The following HTR1F variants were observed in gnomAD, a reference collection of about 807,000 sequenced individuals.
The protein encoded by HTR1F is 5-hydroxytryptamine (serotonin) receptor 1F, G protein-coupled.
A neutral mutation model predicts 24.0 loss-of-function variants in HTR1F; 17 were observed. The observed-to-expected ratio is 0.71, with a 90% confidence interval of 0.48 to 1.06. The LOEUF (loss-of-function observed/expected upper bound fraction) is 1.06, where lower values mean the gene tolerates loss of function less well. HTR1F is among the 50% of genes least tolerant of loss of function. The pLI, the probability that HTR1F is intolerant of heterozygous loss-of-function variation, is 0.00. For missense variants in HTR1F, 391 were observed against 427.8 expected, an observed-to-expected ratio of 0.91 and a Z score of 0.76; for synonymous variants, 186 against 156.8, an observed-to-expected ratio of 1.19 and a Z score of -1.39.
chr3:87,806,904 G>C (rs920223184), intron 1 of HTR1F, among the ~76,000 whole-genome samples: 6 of 151,858 alleles, frequency 4.0e-5, no homozygotes, highest in African/African-American at 1.4e-4. Context: ...CCCAATGTAT[G>C]TTCTTGGAAC....
intron 2 of HTR1F, among the ~76,000 whole-genome samples, chr3:87,935,049 G>A (rs555375544): frequency 1.3e-5 from 2 of 152,078 alleles, no homozygotes; most frequent in Non-Finnish European, 2.9e-5. Flanking sequence ...TCATTTGTTT[G>A]TAGAAACAAG....
intron 1 of HTR1F, among the ~76,000 whole-genome samples, chr3:87,809,770 ATGATTG>A (rs1704130751): frequency 6.6e-6 from 1 of 152,060 alleles, no homozygotes; most frequent in Non-Finnish European, 1.5e-5. Flanking sequence ...TTAAAAACAC[ATGATTG>A]TCCGATCTTT....
intron 2 of HTR1F, among the ~76,000 whole-genome samples, chr3:87,945,435 T>C (rs543220671): frequency 3.6e-4 from 55 of 152,280 alleles, no homozygotes; most frequent in African/African-American, 1.2e-3. Context: ...GGCTACACTT[T>C]CAAGAAAGTC....
intron 2 of HTR1F, among the ~76,000 whole-genome samples, chr3:87,917,501 A>T (rs1425324375): frequency 1.3e-5 from 2 of 152,024 alleles, no homozygotes; most frequent in Admixed American, 1.3e-4. Flanking sequence ...GAAAATCTAA[A>T]TAAGGTCAAT....
chr3:87,939,936 G>A (rs549028044), intron 2 of HTR1F, among the ~76,000 whole-genome samples: 1 of 152,152 alleles, frequency 6.6e-6, no homozygotes, highest in Admixed American at 6.5e-5. Context: ...TGCTTCTCTA[G>A]TTCTTTTAAT....
Position 87,833,182 on chromosome 3 carries a change from ACT to A in HTR1F, c.-43+11061_-43+11062del, listed in dbSNP as rs567869284. On this transcript the variant is annotated intron_variant, in intron 2 of 2. Coordinates refer to ENST00000319595, the MANE Select transcript of HTR1F (RefSeq NM_001322209.2). Reference sequence around the variant, plus strand: ...ATATTGTCATTGTTTCCACTGGCAGACTCTGCTTCCTTTGGGAGGTGTTTCTA... The same window carrying A: ...ATATTGTCATTGTTTCCACTGGCAGACTGCTTCCTTTGGGAGGTGTTTCTA... 5.6e-3 allele frequency among the ~76,000 whole-genome samples: 830 copies of A among 147,232 alleles called. 5 individuals are homozygous for A. The highest frequency in any genetic ancestry group is 9.4e-3 in the Non-Finnish European group (631 of 67,368).
intron 2 of HTR1F, among the ~76,000 whole-genome samples, chr3:87,898,118 G>C (rs1706242700): frequency 6.6e-6 from 1 of 152,110 alleles, no homozygotes; most frequent in Non-Finnish European, 1.5e-5. Flanking sequence ...GTGTAGGTAA[G>C]ACAGAGTGGA....
intron 2 of HTR1F, among the ~76,000 whole-genome samples, chr3:87,929,990 T>C (rs1274101149): frequency 6.6e-6 from 1 of 152,182 alleles, no homozygotes; most frequent in African/African-American, 2.4e-5. Flanking sequence ...CAGTGTTTTG[T>C]AGTTCTACTT....
At chr3:87,931,451 T>C (rs1348660939) in intron 2 of HTR1F, among the ~76,000 whole-genome samples, 3 of 152,184 alleles carry the variant, frequency 2.0e-5, no homozygotes, top group African/African-American at 7.2e-5. Flanking sequence ...TCTATCATTG[T>C]TGGACATTTG....
At position 87,927,077 on chromosome 3, in the gene HTR1F, A is replaced by G. The variant is rs9814842; in HGVS notation, c.-42-63631A>G. On this transcript the variant is annotated intron_variant, in intron 2 of 2. Transcript: ENST00000319595. Reference sequence around the variant, plus strand: ...TGGAAAGCCACAGTCGAGGCTTTGTAGAGGACTCTCAGAAGACTTGCCCAC... The same window carrying G: ...TGGAAAGCCACAGTCGAGGCTTTGTGGAGGACTCTCAGAAGACTTGCCCAC... 9.5e-3 allele frequency among the ~76,000 whole-genome samples: 1,452 copies of G among 152,270 alleles called. 29 individuals carry two copies. Among genetic ancestry groups the G allele is most frequent in the African/African-American group, 0.033 (1,388 of 41,542 alleles).
At chr3:87,931,946 C>T (rs1472144059) in intron 2 of HTR1F, among the ~76,000 whole-genome samples, 1 of 151,718 alleles carries the variant, frequency 6.6e-6, no homozygotes, top group Non-Finnish European at 1.5e-5. Context: ...GGATATTAGC[C>T]CTTTGTCAGA....
intron 2 of HTR1F, among the ~76,000 whole-genome samples, chr3:87,908,142 C>T (rs1703704804): frequency 6.6e-6 from 1 of 151,882 alleles, no homozygotes; most frequent in Non-Finnish European, 1.5e-5. Flanking sequence ...AGAAGTTTCC[C>T]ATCAGAGATT....
intron 2 of HTR1F, among the ~76,000 whole-genome samples, chr3:87,929,848 T>A (rs1476739807): frequency 2.0e-5 from 3 of 152,224 alleles, no homozygotes; most frequent in Middle Eastern, 3.2e-3. Context: ...ATGTCCTTGC[T>A]AGATTGATAG....
chr3:87,918,521 C>T (rs1181384879), intron 2 of HTR1F, among the ~76,000 whole-genome samples: 1 of 152,114 alleles, frequency 6.6e-6, no homozygotes, highest in East Asian at 1.9e-4. Flanking sequence ...AAGAATTTAG[C>T]AAAGTTTCCA....
At chr3:87,876,518 C>T (rs1705675966) in intron 2 of HTR1F, among the ~76,000 whole-genome samples, 1 of 152,018 alleles carries the variant, frequency 6.6e-6, no homozygotes, top group Non-Finnish European at 1.5e-5. Context: ...TGAAATAAGC[C>T]AATCACAAAA....
rs1334227726 is a variant in HTR1F, at chr3:87,925,253, G to T, written c.-42-65455G>T. ...TCAAGGGATTGGGGCGACCAATGGT[G>T]GCAGATGCTGGGCAGAACAGTCCTT... On this transcript the variant is annotated intron_variant, in intron 2 of 2. Transcript: ENST00000319595. 2.0e-5 allele frequency among the ~76,000 whole-genome samples: 3 copies of T among 152,072 alleles called. No individual in the cohort carries two copies. In the South Asian group the frequency reaches 6.2e-4, roughly 31 times the overall value.
intron 2 of HTR1F, among the ~76,000 whole-genome samples, chr3:87,839,718 C>G (rs1704759921): frequency 6.6e-6 from 1 of 151,770 alleles, no homozygotes; most frequent in Non-Finnish European, 1.5e-5. Context: ...AATCTGTCAC[C>G]CAGGTAGTTA....
At position 87,991,714 on chromosome 3, in the gene HTR1F, G is replaced by A; in HGVS notation, c.965G>A (p.Cys322Tyr). 6.2e-7 allele frequency: 1 copy of A among 1,613,872 alleles called. No individual in the cohort carries two copies. Among genetic ancestry groups the A allele is most frequent in the Non-Finnish European group, 8.5e-7 (1 of 1,179,882 alleles). Residue 322 changes from cysteine (C) to tyrosine (Y), a missense_variant, in exon 3 of 3, where the codon TGT (cysteine) becomes TAT (tyrosine). Cys to Tyr is a radical substitution (Grantham distance 194). Transcript: ENST00000319595. ...KELVVNVCDK[C>Y]KISEEMSNFL... ...TTAGTTGTTAATGTCTGTGACAAAT[G>A]TAAAATTTCTGAAGAAATGTCCAAT...
rs1705412586 is a variant in HTR1F at position 87,977,137 on chromosome 3, T to C, written c.-42-13571T>C. On this transcript the variant is annotated intron_variant, in intron 2 of 2. Transcript: ENST00000319595. ...TAGAAAACTTGATATTAGACAGTGA[T>C]GGTACTATGGATCCCATCAAAGGAA... Among the ~76,000 whole-genome samples, 5 of 152,226 alleles carry C rather than the reference T, an allele frequency of 3.3e-5. No homozygotes were observed. The South Asian group carries it at 1.0e-3, about 31-fold the overall frequency.
Sources: gnomAD v4.1 joint callset for allele counts (sites outside exome capture counted in the v4.1 genomes callset) on GRCh38, gnomAD v4.1.1 for gene constraint, MANE v1.5 for transcripts, NCBI Gene and HGNC (gene_info 2026-07-23, HGNC 2026-07-21) for gene names.